The following DLG2 variants were observed in gnomAD, a reference collection of about 807,000 sequenced individuals.
DLG2 encodes the protein disks large homolog 2.
Under a neutral mutation model 132.5 loss-of-function variants are expected in DLG2, and 45 were observed. That is an observed-to-expected ratio of 0.34 (90% CI 0.27 to 0.44). DLG2 has a LOEUF of 0.44. Ranked by LOEUF, DLG2 falls within the 20% of genes least tolerant of loss-of-function variation. The pLI, the probability that DLG2 is intolerant of heterozygous loss-of-function variation, is 1.00. For missense variants in DLG2, 1,045 were observed against 1,196.9 expected (o/e 0.87, Z 1.87); for synonymous variants, 424 against 419.6 (o/e 1.01, Z -0.13).
intron 14 of DLG2, among the ~76,000 whole-genome samples, chr11:83,961,561 T>G (rs2088795463): frequency 6.6e-6 from 1 of 152,060 alleles, no homozygotes; most frequent in African/African-American, 2.4e-5. Flanking sequence ...TTTTTCTGTG[T>G]GTTTTTCGGA....
intron 3 of DLG2, among the ~76,000 whole-genome samples, chr11:85,572,575 A>C (rs1340297497): frequency 2.0e-5 from 3 of 151,948 alleles, no homozygotes; most frequent in Non-Finnish European, 4.4e-5. Context: ...TCCCCTATGC[A>C]TTTATCTTTC....
chr11:85,127,461 A>G lies in DLG2; in HGVS notation c.283-15726T>C, dbSNP rs1163580448. 2.0e-5 allele frequency among the ~76,000 whole-genome samples: 3 copies of G among 152,028 alleles called. No individual in the cohort carries two copies. In the East Asian group the frequency reaches 5.8e-4, roughly 29 times the overall value. On this transcript the variant is annotated intron_variant, in intron 5 of 27. Transcript: ENST00000376104. Reference sequence around the variant, plus strand: ...CCTGTATCCCTATCCTCATTTCCATAGCACTCTATATTCATTTTCTTATCA... The same window carrying G: ...CCTGTATCCCTATCCTCATTTCCATGGCACTCTATATTCATTTTCTTATCA...
chr11:84,939,345 C>T (rs1398397758), intron 6 of DLG2, among the ~76,000 whole-genome samples: 4 of 152,056 alleles, frequency 2.6e-5, no homozygotes, highest in Admixed American at 2.6e-4. Context: ...ATAATAATTA[C>T]ATCAGAGTAA....
intron 3 of DLG2, among the ~76,000 whole-genome samples, chr11:85,520,382 A>T (rs1169559400): frequency 6.6e-6 from 1 of 152,184 alleles, no homozygotes; most frequent in African/African-American, 2.4e-5. Context: ...ATGCTCATGG[A>T]TTGGAAGAAT....
intron 6 of DLG2, among the ~76,000 whole-genome samples, chr11:84,589,567 A>G (rs1322718697): frequency 6.6e-6 from 1 of 152,202 alleles, no homozygotes; most frequent in Non-Finnish European, 1.5e-5. Context: ...TGAGGGTTAA[A>G]CATTAAAAAA....
At chr11:85,360,606 C>G (rs527592197) in intron 3 of DLG2, among the ~76,000 whole-genome samples, 78 of 152,324 alleles carry the variant, frequency 5.1e-4, no homozygotes, top group African/African-American at 1.8e-3. Flanking sequence ...GTCTGATCTT[C>G]TCCGTGGAGT....
At chr11:83,510,677 C>T (rs926520182) in intron 21 of DLG2, among the ~76,000 whole-genome samples, 3 of 151,974 alleles carry the variant, frequency 2.0e-5, no homozygotes, top group Admixed American at 6.6e-5. Context: ...ATAGCTCTCA[C>T]GGTGTCTCCC....
At chr11:83,614,260 T>C (rs181811679) in intron 19 of DLG2, among the ~76,000 whole-genome samples, 215 of 152,318 alleles carry the variant, frequency 1.4e-3, no homozygotes, top group African/African-American at 5.1e-3. Flanking sequence ...TCTAACTGTC[T>C]GCAATATGGG....
chr11:85,628,143 T>TG (rs912110831), upstream of DLG2, among the ~76,000 whole-genome samples: 1 of 152,094 alleles, frequency 6.6e-6, no homozygotes, highest in African/African-American at 2.4e-5. Context: ...GCTGGGCGGC[T>TG]GGTCCGGGGT....
At chr11:83,997,910 T>A (rs1408256464) in intron 11 of DLG2, among the ~76,000 whole-genome samples, 1 of 151,310 alleles carries the variant, frequency 6.6e-6, no homozygotes, top group East Asian at 2.0e-4. Flanking sequence ...GGCGGGTGGA[T>A]CACTTGAGGT....
Position 83,677,529 on chromosome 11 carries a change from G to T in DLG2, c.1826-44204C>A, listed in dbSNP as rs367704976. Among the ~76,000 whole-genome samples, 4 of 152,104 alleles carry T rather than the reference G, an allele frequency of 2.6e-5. No individual in the cohort carries two copies. In the East Asian group the frequency reaches 7.7e-4, roughly 29 times the overall value. ...TATACCTGCTTTATAGCTAAGGAAA[G>T]CAAAGTTGCAAGGTTTAGTAGTAGG... On this transcript the variant is annotated intron_variant, in intron 18 of 27. Transcript: ENST00000376104.
At chr11:83,882,154 T>G (rs112929984) in intron 15 of DLG2, among the ~76,000 whole-genome samples, 1 of 151,950 alleles carries the variant, frequency 6.6e-6, no homozygotes, top group Admixed American at 6.6e-5. Flanking sequence ...CAAGTCAATT[T>G]GGTATGCCAA....
intron 6 of DLG2, among the ~76,000 whole-genome samples, chr11:84,735,616 T>A (rs531912604): frequency 6.6e-6 from 1 of 152,092 alleles, no homozygotes; most frequent in East Asian, 1.9e-4. Context: ...TTTTGAAGGA[T>A]TTTTTTCGTC....
chr11:83,759,945 C>T (rs375082264), intron 18 of DLG2, among the ~76,000 whole-genome samples: 21 of 152,148 alleles, frequency 1.4e-4, no homozygotes, highest in African/African-American at 5.1e-4. Flanking sequence ...TTGAAGCTCC[C>T]GAAGATGTTT....
chr11:85,279,923 A>G (rs1565260392), intron 4 of DLG2, among the ~76,000 whole-genome samples: 1 of 152,086 alleles, frequency 6.6e-6, no homozygotes. Flanking sequence ...ATGAGAAGAT[A>G]TTTGTGCATT....
chr11:85,321,619 A>T (rs2081075438), intron 3 of DLG2, among the ~76,000 whole-genome samples: 1 of 152,094 alleles, frequency 6.6e-6, no homozygotes, highest in East Asian at 1.9e-4. Flanking sequence ...GATCTAGGTA[A>T]GATGACTAAG....
chr11:84,423,535 T>G (rs1024203048), intron 7 of DLG2, among the ~76,000 whole-genome samples: 5 of 152,246 alleles, frequency 3.3e-5, no homozygotes, highest in African/African-American at 9.6e-5. Context: ...CCTAAACACA[T>G]CATATTCATC....
intron 27 of DLG2, among the ~76,000 whole-genome samples, chr11:83,460,964 C>CT (rs1166197283): frequency 1.4e-5 from 2 of 147,720 alleles, no homozygotes; most frequent in East Asian, 3.9e-4. Flanking sequence ...AAACATCTAA[C>CT]TTCACATATG....
intron 8 of DLG2, among the ~76,000 whole-genome samples, chr11:84,218,567 G>A (rs192426437): frequency 1.8e-4 from 28 of 152,248 alleles, no homozygotes; most frequent in Non-Finnish European, 2.8e-4. Flanking sequence ...TTAAGAAAAC[G>A]GTATCCCTTG....
Sources: gnomAD v4.1 joint callset for allele counts (sites outside exome capture counted in the v4.1 genomes callset) on GRCh38, gnomAD v4.1.1 for gene constraint, MANE v1.5 for transcripts, NCBI Gene and HGNC (gene_info 2026-07-23, HGNC 2026-07-21) for gene names.